The following JAKMIP3 variants were observed in gnomAD, a reference collection of about 807,000 sequenced individuals.
The protein encoded by JAKMIP3 is janus kinase and microtubule-interacting protein 3.
JAKMIP3 carries 58 observed loss-of-function variants against 118.5 expected under a neutral mutation model. That is an observed-to-expected ratio of 0.49 (90% CI 0.40 to 0.61). JAKMIP3 has a LOEUF of 0.61. JAKMIP3 is among the 20% of genes least tolerant of loss of function. The probability of loss-of-function intolerance (pLI) is 0.00; values close to 1 mark genes in which losing one functional copy is unlikely to be tolerated. For missense variants in JAKMIP3, 950 were observed against 1,109.0 expected (o/e 0.86, Z 2.04); for synonymous variants, 486 against 451.2 (o/e 1.08, Z -0.98).
At chr10:132,067,029 T>A (rs1289820607) in intron 1 of JAKMIP3, among the ~76,000 whole-genome samples, 1 of 152,100 alleles carries the variant, frequency 6.6e-6, no homozygotes, top group Non-Finnish European at 1.5e-5. Context: ...GAGAGTCCTC[T>A]CAGTGGATCG....
At chr10:132,106,356 T>TA (rs2045900522) in intron 2 of JAKMIP3, among the ~76,000 whole-genome samples, 1 of 125,404 alleles carries the variant, frequency 8.0e-6, no homozygotes, top group Non-Finnish European at 1.8e-5. Context: ...TAAAAATGAT[T>TA]TAAAAAAAAA....
chr10:132,076,545 T>C (rs2040816559), intron 1 of JAKMIP3, among the ~76,000 whole-genome samples: 2 of 152,234 alleles, frequency 1.3e-5, no homozygotes, highest in Admixed American at 6.5e-5. Flanking sequence ...GGCTGGCCTA[T>C]GGTGGCCCCA....
chr10:132,172,538 A>C (rs1452633763), intron 23 of JAKMIP3, among the ~76,000 whole-genome samples: 1 of 151,670 alleles, frequency 6.6e-6, no homozygotes, highest in African/African-American at 2.4e-5. Context: ...ATTGGTTAGA[A>C]TTTTCCTATA....
chr10:132,180,746 CGCGCGCGTGTGTGCGTGTGTGTGCGT>C lies in JAKMIP3; in HGVS notation c.*1104-1609_*1104-1584del, dbSNP rs1565021907. 1.0e-3 allele frequency among the ~76,000 whole-genome samples: 11 copies of C among 10,744 alleles called. 2 individuals carry two copies. The highest frequency in any genetic ancestry group is 3.7e-3 in the South Asian group (1 of 272). The allele number at this position is 10,744 out of a possible 152,430, so 7.0% of individuals were successfully genotyped here. ...GTGTGTGTGCGTGTGTGCGTGCGTG[CGCGCGCGTGTGTGCGTGTGTGTGCGT>C]GTGTGTGTGTGCGCGTATGCATGTG... is the stretch of plus-strand genomic sequence containing the variant. On this transcript the variant is annotated intron_variant, in intron 23 of 23. Transcript: ENST00000684848.
chr10:132,137,438 G>GC (rs2052033824), intron 8 of JAKMIP3, 149 bp downstream of exon 8: 1 of 971,576 alleles, frequency 1.0e-6, no homozygotes, highest in African/African-American at 1.6e-5. Context: ...GTGCCACCTG[G>GC]CCAAGGCTGT....
chr10:132,122,894 T>A (rs2048798814), intron 3 of JAKMIP3, among the ~76,000 whole-genome samples: 1 of 152,156 alleles, frequency 6.6e-6, no homozygotes, highest in African/African-American at 2.4e-5. Flanking sequence ...CCTGTACGTG[T>A]CAGAATGCCT....
At chr10:132,143,764 G>A (rs751709745) in intron 11 of JAKMIP3, 2 of 152,210 alleles carry the variant, frequency 1.3e-5, no homozygotes, top group South Asian at 2.1e-4. Context: ...GAGGACAGGC[G>A]TCTGAAGACA....
upstream of JAKMIP3, among the ~76,000 whole-genome samples, chr10:132,065,758 A>G (rs191257257): frequency 5.6e-4 from 85 of 150,884 alleles, no homozygotes; most frequent in African/African-American, 1.9e-3. The surrounding 1 kb of genome is among the most constrained non-coding windows in gnomAD (Gnocchi z 5.6). Context: ...CGCGCCCTGC[A>G]GGGAGCTGGG....
At position 132,044,283 on chromosome 10, in the gene JAKMIP3, G is replaced by A. The variant is rs866571063; in HGVS notation, c.-138+7545G>A. On this transcript the variant is annotated intron_variant, in intron 1 of 23. Coordinates refer to the JAKMIP3 transcript ENST00000657785. This position sits in a 1 kb window ranked among gnomAD's most constrained non-coding sequence, Gnocchi z 5.3. ...GTCCAGGCATCGTGGACCTCCCTGG[G>A]GTGAGTAGTCAACACAGACACAGTC... is the stretch of plus-strand genomic sequence containing the variant. 6.6e-6 allele frequency among the ~76,000 whole-genome samples: 1 copy of A among 152,220 alleles called. No individual in the cohort carries two copies.
chr10:132,174,474 G>A (rs530222735), intron 23 of JAKMIP3, among the ~76,000 whole-genome samples: 3 of 152,062 alleles, frequency 2.0e-5, no homozygotes, highest in Non-Finnish European at 2.9e-5. Context: ...TTCTGTTCCC[G>A]AGCGGAATCC....
chr10:132,116,912 C>CT (rs2047766041), intron 2 of JAKMIP3, among the ~76,000 whole-genome samples, 165 bp from the exon 3 acceptor site: 1 of 151,668 alleles, frequency 6.6e-6, no homozygotes, highest in Middle Eastern at 3.2e-3. Context: ...GAAGCTCCCC[C>CT]AAATGCACAT....
intron 23 of JAKMIP3, among the ~76,000 whole-genome samples, chr10:132,180,857 TGTGA>T (rs1480112483): frequency 7.0e-6 from 1 of 143,624 alleles, no homozygotes; most frequent in East Asian, 2.1e-4. Flanking sequence ...GTGTGCTGTG[TGTGA>T]GTGGTGTCTT....
intron 1 of JAKMIP3, among the ~76,000 whole-genome samples, chr10:132,101,564 T>C (rs1057394180): frequency 3.9e-5 from 6 of 152,220 alleles, no homozygotes; most frequent in African/African-American, 1.4e-4. Context: ...AGCCAGATTT[T>C]ATTTTCCCTT....
chr10:132,088,267 C>T, intron 1 of JAKMIP3, among the ~76,000 whole-genome samples: 1 of 152,108 alleles, frequency 6.6e-6, no homozygotes, highest in East Asian at 1.9e-4. Context: ...GTTCTAGATC[C>T]CTGAGGAATC....
Position 132,049,273 on chromosome 10 carries a change from A to C in JAKMIP3, c.-138+12535A>C, listed in dbSNP as rs545341990. Among the ~76,000 whole-genome samples the C allele has an allele frequency of 2.6e-5, 4 of 152,302 alleles. No homozygotes were observed. The East Asian group carries it at 7.7e-4, about 29-fold the overall frequency. On this transcript the variant is annotated intron_variant, in intron 1 of 23. Transcript: ENST00000657785. The surrounding 1 kb of genome is among the most constrained non-coding windows in gnomAD (Gnocchi z 4.3). ...CGGGAGCACAGCTATAGCTATGAGC[A>C]CTGACCCACGGCTTTGCTTCCCTTC...
chr10:132,118,266 C>A lies in JAKMIP3; in HGVS notation c.633+692C>A, dbSNP rs772344159. The stretch of plus-strand genomic sequence containing the variant: ...CACCCATGGCAGGCACCAGGAGAGT[C>A]GATGTTCTCAAAGGCCCAGGGTTCA... On this transcript the variant is annotated intron_variant, in intron 3 of 23. Transcript: ENST00000684848. This position sits in a 1 kb window ranked among gnomAD's most constrained non-coding sequence, Gnocchi z 4.8. Among the ~76,000 whole-genome samples, 1 of 152,198 alleles carries A rather than the reference C, an allele frequency of 6.6e-6. No individual in the cohort carries two copies. The highest frequency in any genetic ancestry group is 1.5e-5 in the Non-Finnish European group (1 of 68,044).
intron 22 of JAKMIP3, among the ~76,000 whole-genome samples, chr10:132,167,723 A>T (rs2059050831): frequency 6.6e-6 from 1 of 152,040 alleles, no homozygotes. Context: ...CTCTCCATGA[A>T]GCCCCTCATC....
At chr10:132,142,545 C>T (rs963629288) in intron 11 of JAKMIP3, among the ~76,000 whole-genome samples, 3 of 152,252 alleles carry the variant, frequency 2.0e-5, no homozygotes, top group Non-Finnish European at 2.9e-5. Flanking sequence ...CAGCCGTGTC[C>T]CTCCGCCCAC....
intron 3 of JAKMIP3, among the ~76,000 whole-genome samples, chr10:132,123,585 G>C (rs1054775592): frequency 6.6e-6 from 1 of 152,194 alleles, no homozygotes; most frequent in East Asian, 1.9e-4. Flanking sequence ...GCCTGTCCTT[G>C]CTTTTTGCCT....
Sources: allele counts gnomAD v4.1 joint callset (sites outside exome capture counted in the v4.1 genomes callset), GRCh38; gene constraint gnomAD v4.1.1; non-coding constraint Gnocchi (gnomAD v3.1); transcripts MANE v1.5; gene names NCBI Gene and HGNC (gene_info 2026-07-23, HGNC 2026-07-21).